ST6GAL1: variants seen among roughly 807,000 people sequenced by gnomAD.
ST6GAL1 encodes the protein ST6 beta-galactoside alpha-2,6-sialyltransferase 1, also known as beta-galactoside alpha-2,6-sialyltransferase 1.
In ST6GAL1, 20 loss-of-function variants were observed where a neutral mutation model predicts 38.0. The ratio of observed to expected loss-of-function variants is 0.53; its 90% CI spans 0.37 to 0.77. ST6GAL1 has a LOEUF of 0.77. Among genes scored for constraint, ST6GAL1 ranks in the 30% least tolerant of loss-of-function variants. The pLI is 0.00. For missense variants in ST6GAL1, 432 were observed against 496.4 expected, an observed-to-expected ratio of 0.87 and a Z score of 1.23; for synonymous variants, 196 against 188.2, an observed-to-expected ratio of 1.04 and a Z score of -0.34.
chr3:186,947,358 A>C (rs908725760), intron 1 of ST6GAL1, among the ~76,000 whole-genome samples: 4 of 152,200 alleles, frequency 2.6e-5, no homozygotes, highest in Non-Finnish European at 4.4e-5. Flanking sequence ...TTATCTGCCC[A>C]GAGGCGCATG....
chr3:186,955,593 C>A (rs1352242265), intron 1 of ST6GAL1, among the ~76,000 whole-genome samples: 1 of 152,068 alleles, frequency 6.6e-6, no homozygotes, highest in Admixed American at 6.5e-5. Context: ...ACCTCCACCT[C>A]CCGGGTTCAA....
At chr3:186,933,915 C>G (rs1713848675) in intron 1 of ST6GAL1, among the ~76,000 whole-genome samples, 1 of 152,188 alleles carries the variant, frequency 6.6e-6, no homozygotes, top group Non-Finnish European at 1.5e-5. Flanking sequence ...CTGAATAGTG[C>G]AATTATCTCT....
chr3:186,946,615 C>G (rs910426812), intron 1 of ST6GAL1, among the ~76,000 whole-genome samples: 1 of 152,218 alleles, frequency 6.6e-6, no homozygotes, highest in Non-Finnish European at 1.5e-5. Flanking sequence ...TTTCACACTT[C>G]TATCCATATA....
chr3:187,063,032 G>A (rs1286049170), intron 5 of ST6GAL1, among the ~76,000 whole-genome samples: 3 of 152,178 alleles, frequency 2.0e-5, no homozygotes, highest in African/African-American at 7.2e-5. Flanking sequence ...GGAGATGGTG[G>A]TGATAGTTAC....
intron 2 of ST6GAL1, among the ~76,000 whole-genome samples, chr3:187,022,538 G>C (rs1717364924): frequency 6.6e-6 from 1 of 152,170 alleles, no homozygotes; most frequent in Non-Finnish European, 1.5e-5. Context: ...GAGCCTCATA[G>C]ATAGCAGCCC....
At chr3:187,066,609 T>TGTG (rs1719147800) in intron 5 of ST6GAL1, among the ~76,000 whole-genome samples, 1 of 151,220 alleles carries the variant, frequency 6.6e-6, no homozygotes, top group Non-Finnish European at 1.5e-5. Context: ...TGCGTGTGTG[T>TGTG]GTGTGTGTGT....
At chr3:187,018,051 G>A (rs1048037893) in intron 2 of ST6GAL1, among the ~76,000 whole-genome samples, 1 of 152,170 alleles carries the variant, frequency 6.6e-6, no homozygotes, top group Admixed American at 6.5e-5. Context: ...ATCTTTGACA[G>A]CTCTGCTGCT....
At chr3:187,022,239 C>G (rs2108565710) in intron 2 of ST6GAL1, among the ~76,000 whole-genome samples, 1 of 152,132 alleles carries the variant, frequency 6.6e-6, no homozygotes, top group Non-Finnish European at 1.5e-5. Flanking sequence ...GGTGTCGCTG[C>G]TTGGTGTTGG....
chr3:186,987,200 G>GAGGGAAGGAGGGAGGGAAGGA (rs1553821932), intron 2 of ST6GAL1, among the ~76,000 whole-genome samples: 19 of 138,656 alleles, frequency 1.4e-4, no homozygotes, highest in Non-Finnish European at 1.8e-4. Context: ...GGGAGGGAGG[G>GAGGGAAGGAGGGAGGGAAGGA]AAGGAAAGAA....
chr3:186,956,543 G>C (rs1714756878), intron 1 of ST6GAL1, among the ~76,000 whole-genome samples: 1 of 152,182 alleles, frequency 6.6e-6, no homozygotes, highest in African/African-American at 2.4e-5. Context: ...CACCAGCGAG[G>C]CCTCTCGCTG....
chr3:187,007,587 T>G (rs1269571718), intron 2 of ST6GAL1, among the ~76,000 whole-genome samples: 1 of 152,252 alleles, frequency 6.6e-6, no homozygotes, highest in East Asian at 1.9e-4. Flanking sequence ...ATTTTTCAGA[T>G]GATTTTTAAC....
chr3:187,045,261 A>G (rs1048397784), intron 4 of ST6GAL1, among the ~76,000 whole-genome samples: 3 of 152,124 alleles, frequency 2.0e-5, no homozygotes, highest in Non-Finnish European at 4.4e-5. Context: ...AAGTGAGGCT[A>G]GAAGACACGA....
chr3:186,955,464 A>G (rs1456092827), intron 1 of ST6GAL1, among the ~76,000 whole-genome samples: 1 of 151,900 alleles, frequency 6.6e-6, no homozygotes, highest in Non-Finnish European at 1.5e-5. Context: ...CCTATCCACA[A>G]GCACGGAATG....
chr3:186,978,662 T>C (rs1406443980), intron 2 of ST6GAL1, among the ~76,000 whole-genome samples: 6 of 152,230 alleles, frequency 3.9e-5, no homozygotes, highest in Non-Finnish European at 8.8e-5. Context: ...CCACGGAGTT[T>C]AGAGAAAACA....
chr3:186,946,205 G>A (rs115152569), intron 1 of ST6GAL1, among the ~76,000 whole-genome samples: 38 of 151,708 alleles, frequency 2.5e-4, no homozygotes, highest in Admixed American at 4.6e-4. Context: ...TCGGCTGCTC[G>A]GTGGGGCTGA....
chr3:187,062,719 T>C (rs1448517203), intron 5 of ST6GAL1, among the ~76,000 whole-genome samples: 4 of 152,204 alleles, frequency 2.6e-5, no homozygotes, highest in Non-Finnish European at 2.9e-5. Flanking sequence ...GTTTTGGAGA[T>C]GGTTTGTGGT....
intron 5 of ST6GAL1, among the ~76,000 whole-genome samples, chr3:187,059,066 G>A (rs1718819931): frequency 6.6e-6 from 1 of 152,166 alleles, no homozygotes; most frequent in Non-Finnish European, 1.5e-5. Context: ...AATAGCAATA[G>A]CCGGGCACTC....
At chr3:187,058,361 C>A (rs1041576458) in intron 5 of ST6GAL1, among the ~76,000 whole-genome samples, 11 of 152,286 alleles carry the variant, frequency 7.2e-5, no homozygotes, top group African/African-American at 2.4e-4. Flanking sequence ...AAGCAGAAAT[C>A]ACCCGTCTTG....
intron 2 of ST6GAL1, among the ~76,000 whole-genome samples, chr3:186,977,143 C>T (rs888748423): frequency 4.6e-5 from 7 of 152,218 alleles, no homozygotes; most frequent in Admixed American, 6.6e-5. Context: ...ATGTGGACTT[C>T]TTTCTGTCTG....
Sources: gnomAD v4.1 joint callset for allele counts (sites outside exome capture counted in the v4.1 genomes callset) on GRCh38, gnomAD v4.1.1 for gene constraint, MANE v1.5 for transcripts, NCBI Gene and HGNC (gene_info 2026-07-23, HGNC 2026-07-21) for gene names.